The following PHF8 variants were observed in gnomAD, a reference collection of about 807,000 sequenced individuals.
The protein encoded by PHF8 is histone lysine demethylase PHF8.
PHF8 carries 9 observed loss-of-function variants against 74.4 expected under a neutral mutation model. The ratio of observed to expected loss-of-function variants is 0.12; its 90% confidence interval spans 0.07 to 0.21. The LOEUF is 0.21. Ranked by LOEUF, PHF8 falls within the 10% of genes least tolerant of loss-of-function variation. PHF8 has a pLI of 1.00. For missense variants in PHF8, 478 were observed against 816.6 expected (o/e 0.59, Z 5.05); for synonymous variants, 311 against 316.6 (o/e 0.98, Z 0.19).
chrX:53,953,658 G>A (rs868966082), intron 19 of PHF8, among the ~76,000 whole-genome samples: 29 of 94,288 alleles, frequency 3.1e-4, no homozygotes, highest in African/African-American at 5.2e-4. Flanking sequence ...AAAAAAAAAA[G>A]CGGGGGGGGT....
At chrX:54,046,064 A>T (rs1469665843), upstream of PHF8, among the ~76,000 whole-genome samples, 2 of 110,459 alleles carry the variant, frequency 1.8e-5, no homozygotes, top group Non-Finnish European at 3.8e-5. Context: ...TCCTTCCGCC[A>T]GAGCCTCATG....
At chrX:54,033,504 GGAGTTC>G (rs1344549173) in intron 2 of PHF8, among the ~76,000 whole-genome samples, 5 of 111,351 alleles carry the variant, frequency 4.5e-5, no homozygotes, top group Admixed American at 1.9e-4. Context: ...CACGAGGTCA[GGAGTTC>G]GAGACCAGCC....
At chrX:53,988,450 T>C (rs2065601110) in intron 14 of PHF8, among the ~76,000 whole-genome samples, 1 of 110,402 alleles carries the variant, frequency 9.1e-6, no homozygotes, top group Non-Finnish European at 1.9e-5. Context: ...AACCTAAAAC[T>C]ATAAAACTAG....
At chrX:53,952,253 C>T (rs2064936501) in intron 19 of PHF8, among the ~76,000 whole-genome samples, 1 of 104,620 alleles carries the variant, frequency 9.6e-6, no homozygotes, top group Non-Finnish European at 1.9e-5. Flanking sequence ...CATTGCACTC[C>T]AGCCCAGGCG....
Position 54,028,987 on chromosome X carries a change from G to A in PHF8, c.99-6144C>T, listed in dbSNP as rs150824986. Among the ~76,000 whole-genome samples, 1,080 of 112,203 alleles carry A rather than the reference G, an allele frequency of 9.6e-3. 8 individuals carry two copies. Among genetic ancestry groups the A allele is most frequent in the Middle Eastern group, 0.014 (3 of 217 alleles). Reference sequence around the variant, plus strand: ...ATAAAAACTGTACCTACTTCACAAGGTTGTTATCAAAAGCAAATGAACTAA... The same window carrying A: ...ATAAAAACTGTACCTACTTCACAAGATTGTTATCAAAAGCAAATGAACTAA... On this transcript the variant is annotated intron_variant, in intron 2 of 21. Transcript: ENST00000338154.
At chrX:53,990,126 G>A (rs1464560461) in intron 14 of PHF8, among the ~76,000 whole-genome samples, 1 of 111,071 alleles carries the variant, frequency 9.0e-6, no homozygotes, top group Non-Finnish European at 1.9e-5. Context: ...CTTGAGCCCA[G>A]GCAATACAGC....
intron 18 of PHF8, among the ~76,000 whole-genome samples, chrX:53,978,345 A>G (rs1762503283): frequency 1.8e-5 from 2 of 111,846 alleles, no homozygotes. Flanking sequence ...TATTCACACA[A>G]GAACCTATAC....
intron 2 of PHF8, among the ~76,000 whole-genome samples, chrX:54,032,071 C>G (rs2066367786): frequency 9.0e-6 from 1 of 111,600 alleles, no homozygotes; most frequent in South Asian, 3.8e-4. Context: ...TCACAAGAGC[C>G]AAAACCTAAA....
chrX:53,945,861 A>C (rs1272441401), intron 19 of PHF8, among the ~76,000 whole-genome samples: 2 of 112,035 alleles, frequency 1.8e-5, no homozygotes, highest in Non-Finnish European at 3.8e-5. Flanking sequence ...TGAACTTATG[A>C]TCTGTATAAA....
At chrX:53,974,151 A>G (rs1198453756) in intron 18 of PHF8, among the ~76,000 whole-genome samples, 1 of 110,539 alleles carries the variant, frequency 9.0e-6, no homozygotes, top group Non-Finnish European at 1.9e-5. Flanking sequence ...TCCCAGTCCC[A>G]GCTACTCGGG....
intron 19 of PHF8, among the ~76,000 whole-genome samples, chrX:53,951,262 G>A (rs1346758728): frequency 8.0e-5 from 9 of 112,031 alleles, no homozygotes; most frequent in African/African-American, 2.9e-4. Flanking sequence ...CCAGTCTGAT[G>A]AGCACACATA....
intron 21 of PHF8, among the ~76,000 whole-genome samples, chrX:53,939,492 C>G (rs1274992218): frequency 9.0e-6 from 1 of 110,841 alleles, no homozygotes; most frequent in East Asian, 2.8e-4. Context: ...AGTTCTTTTT[C>G]TCCACTGATT....
chrX:53,991,176 A>G (rs1483396959), intron 14 of PHF8, among the ~76,000 whole-genome samples: 1 of 112,321 alleles, frequency 8.9e-6, no homozygotes. Context: ...TCCCAAGTCC[A>G]TAATTTTGTT....
intron 2 of PHF8, among the ~76,000 whole-genome samples, chrX:54,034,772 C>T (rs2066421217): frequency 9.8e-6 from 1 of 102,513 alleles, no homozygotes; most frequent in African/African-American, 3.6e-5. Flanking sequence ...TGCAGTGAGC[C>T]GAGATCACGC....
Position 53,938,091 on chromosome X carries a change from T to C in PHF8, c.*1067A>G, listed in dbSNP as rs1557082317. On this transcript the variant is annotated 3_prime_UTR_variant, in exon 22 of 22. Transcript: ENST00000338154. Reference sequence around the variant, plus strand: ...GTGCAAAGGCCCAGGAGTGAAGATGTGAGTCCTGAGGTCTTCTTCAGACCA... The same window carrying C: ...GTGCAAAGGCCCAGGAGTGAAGATGCGAGTCCTGAGGTCTTCTTCAGACCA... 4 of 1,156,561 alleles carry C rather than the reference T, an allele frequency of 3.5e-6. No individual in the cohort carries two copies. Among genetic ancestry groups the C allele is most frequent in the Non-Finnish European group, 4.6e-6 (4 of 867,710 alleles).
intron 1 of PHF8, chrX:54,043,085 C>A: frequency 1.4e-6 from 1 of 708,939 alleles, no homozygotes; most frequent in Non-Finnish European, 1.8e-6. Context: ...TCAGTGATAA[C>A]TTCTTTCCGG....
intron 4 of PHF8, among the ~76,000 whole-genome samples, chrX:54,021,463 T>A (rs1466573156): frequency 1.4e-5 from 1 of 73,554 alleles, no homozygotes; most frequent in African/African-American, 5.6e-5. Flanking sequence ...TATTTTTTTT[T>A]TTTTTTTTTT....
chrX:54,034,123 G>A (rs2066409463), intron 2 of PHF8, among the ~76,000 whole-genome samples: 1 of 111,332 alleles, frequency 9.0e-6, no homozygotes, highest in African/African-American at 3.3e-5. Context: ...TAGAACAATA[G>A]AAATTATCCA....
chrX:53,992,708 A>G (rs2065685465), intron 14 of PHF8, 28 bp downstream of exon 14: 7 of 887,804 alleles, frequency 7.9e-6, no homozygotes, highest in African/African-American at 2.0e-5. Flanking sequence ...CAGTCCCAGT[A>G]CCTCTGTGCT....
Sources: allele counts gnomAD v4.1 joint callset (sites outside exome capture counted in the v4.1 genomes callset), GRCh38; gene constraint gnomAD v4.1.1; transcripts MANE v1.5; gene names NCBI Gene and HGNC (gene_info 2026-07-23, HGNC 2026-07-21).